PXDNL: variants seen among roughly 807,000 people sequenced by gnomAD.
PXDNL encodes the protein peroxidasin like.
Under a neutral mutation model 150.8 loss-of-function variants are expected in PXDNL, and 145 were observed. The ratio of observed to expected loss-of-function variants is 0.96; its 90% CI spans 0.84 to 1.10. The LOEUF (loss-of-function observed/expected upper bound fraction) is 1.10. Ranked by LOEUF, PXDNL falls within the 50% of genes least tolerant of loss-of-function variation. PXDNL has a pLI of 0.00. For synonymous variants in PXDNL, 757 were observed against 725.7 expected (o/e 1.04, Z -0.69); for missense variants, 2,087 against 1,873.9 (o/e 1.11, Z -2.10).
At chr8:51,572,891 T>C (rs1195751571) in intron 3 of PXDNL, among the ~76,000 whole-genome samples, 1 of 151,886 alleles carries the variant, frequency 6.6e-6, no homozygotes, top group East Asian at 1.9e-4. Flanking sequence ...GGACATTACA[T>C]ATAAGACAAA....
intron 21 of PXDNL, among the ~76,000 whole-genome samples, chr8:51,326,782 T>TG (rs967376417): frequency 2.0e-5 from 3 of 152,120 alleles, no homozygotes; most frequent in African/African-American, 7.2e-5. Context: ...GGTTCCTGCT[T>TG]GGGGTTGAGC....
At chr8:51,767,508 G>A (rs1160575940) in intron 1 of PXDNL, among the ~76,000 whole-genome samples, 1 of 152,094 alleles carries the variant, frequency 6.6e-6, no homozygotes, top group Non-Finnish European at 1.5e-5. Flanking sequence ...TAAACACCTT[G>A]AACCAATCAG....
chr8:51,506,382 A>G (rs962913244), intron 4 of PXDNL, among the ~76,000 whole-genome samples: 1 of 151,970 alleles, frequency 6.6e-6, no homozygotes, highest in Non-Finnish European at 1.5e-5. Flanking sequence ...CTCTACTAAA[A>G]ATACAAAAAT....
At position 51,536,131 on chromosome 8, in the gene PXDNL, T is replaced by C. The variant is rs1229328853; in HGVS notation, c.380+20709A>G. On this transcript the variant is annotated intron_variant, in intron 4 of 22. Transcript: ENST00000356297. Reference sequence around the variant, plus strand: ...TACACCCTCTCGGGACCTGAAATTTTCCTGGATATTTGAGTACCAAGTTCT... The same window carrying C: ...TACACCCTCTCGGGACCTGAAATTTCCCTGGATATTTGAGTACCAAGTTCT... Among the ~76,000 whole-genome samples, 5 of 152,212 alleles carry C rather than the reference T, an allele frequency of 3.3e-5. No homozygotes were observed. In the East Asian group the frequency reaches 9.6e-4, roughly 29 times the overall value.
intron 7 of PXDNL, among the ~76,000 whole-genome samples, chr8:51,473,837 G>A (rs768986468): frequency 6.6e-6 from 1 of 151,714 alleles, no homozygotes; most frequent in Non-Finnish European, 1.5e-5. Context: ...TAAGAATTTT[G>A]TGCTTTATTT....
chr8:51,802,913 TGAGTA>T (rs979474436), intron 1 of PXDNL, among the ~76,000 whole-genome samples: 1 of 152,196 alleles, frequency 6.6e-6, no homozygotes, highest in African/African-American at 2.4e-5. Context: ...TACATCAACT[TGAGTA>T]AAGTTAACAT....
intron 17 of PXDNL, among the ~76,000 whole-genome samples, chr8:51,377,719 G>A (rs572773960): frequency 8.5e-5 from 13 of 152,332 alleles, no homozygotes; most frequent in South Asian, 2.1e-4. Context: ...CCAGCGCTGC[G>A]CTCGAATTCT....
chr8:51,361,961 AAAAAG>A (rs1563374217), intron 19 of PXDNL, among the ~76,000 whole-genome samples: 7 of 148,076 alleles, frequency 4.7e-5, no homozygotes, highest in South Asian at 2.1e-4. Context: ...AAAAAAAAAA[AAAAAG>A]AAAAGAAAAG....
chr8:51,424,017 A>G (rs1455670872), intron 13 of PXDNL, among the ~76,000 whole-genome samples: 1 of 152,194 alleles, frequency 6.6e-6, no homozygotes, highest in Non-Finnish European at 1.5e-5. Context: ...CACTCCAATG[A>G]ATGGATAGAC....
At chr8:51,511,036 C>T (rs3097697) in intron 4 of PXDNL, among the ~76,000 whole-genome samples, 3,458 of 152,104 alleles carry the variant, frequency 0.023, 50 homozygotes, top group Middle Eastern at 0.044. Flanking sequence ...AATGAGGCAG[C>T]GGGTCTCATG....
intron 2 of PXDNL, among the ~76,000 whole-genome samples, chr8:51,620,681 C>A (rs1390687591): frequency 1.3e-5 from 2 of 149,796 alleles, no homozygotes; most frequent in Non-Finnish European, 3.0e-5. Context: ...GTAGCTGGGA[C>A]TACAGGTGCA....
At chr8:51,715,403 C>T (rs1000734859) in intron 1 of PXDNL, among the ~76,000 whole-genome samples, 1 of 152,186 alleles carries the variant, frequency 6.6e-6, no homozygotes, top group Admixed American at 6.5e-5. Flanking sequence ...TGAACTCTGA[C>T]TGACTCCACC....
At chr8:51,321,585 T>A (rs6987616) in intron 21 of PXDNL, among the ~76,000 whole-genome samples, 51,034 of 151,628 alleles carry the variant, frequency 0.34, 10,271 homozygotes, top group African/African-American at 0.56. Flanking sequence ...TCTCATGAGA[T>A]CTGATGGTTT....
chr8:51,781,890 C>T (rs915564682), intron 1 of PXDNL, among the ~76,000 whole-genome samples: 6 of 152,220 alleles, frequency 3.9e-5, no homozygotes, highest in Non-Finnish European at 8.8e-5. Context: ...ACTCTCACCG[C>T]CAGCTTTGGC....
chr8:51,656,741 T>C (rs1018403528), intron 1 of PXDNL, among the ~76,000 whole-genome samples: 2 of 152,242 alleles, frequency 1.3e-5, no homozygotes, highest in African/African-American at 4.8e-5. Context: ...CTACTATTAA[T>C]ATTTATACCT....
intron 1 of PXDNL, among the ~76,000 whole-genome samples, chr8:51,800,250 T>C (rs2037604507): frequency 6.6e-6 from 1 of 152,178 alleles, no homozygotes; most frequent in South Asian, 2.1e-4. Context: ...ACATATTTTA[T>C]GTTAATATCC....
chr8:51,599,887 T>C (rs1813661022), intron 2 of PXDNL, among the ~76,000 whole-genome samples: 1 of 64,926 alleles, frequency 1.5e-5, no homozygotes, highest in Admixed American at 2.1e-4. Flanking sequence ...AATTATACCT[T>C]ATATAAATGA....
chr8:51,451,815 T>C (rs1205920867), intron 10 of PXDNL, among the ~76,000 whole-genome samples: 1 of 152,208 alleles, frequency 6.6e-6, no homozygotes, highest in Non-Finnish European at 1.5e-5. Flanking sequence ...CATCTATGAT[T>C]AGGCAAATAA....
chr8:51,459,130 G>A (rs1214827960), intron 8 of PXDNL, among the ~76,000 whole-genome samples: 1 of 152,214 alleles, frequency 6.6e-6, no homozygotes, highest in Non-Finnish European at 1.5e-5. Flanking sequence ...ACGAACATCA[G>A]AAAGAATGTT....
Sources: gnomAD v4.1 joint callset for allele counts (sites outside exome capture counted in the v4.1 genomes callset) on GRCh38, gnomAD v4.1.1 for gene constraint, MANE v1.5 for transcripts, NCBI Gene and HGNC (gene_info 2026-07-23, HGNC 2026-07-21) for gene names.